Variants in GARS1 observed in about 807,000 individuals in gnomAD.
The protein encoded by GARS1 is glycyl-tRNA synthetase 1.
GARS1 carries 46 observed loss-of-function variants against 86.4 expected under a neutral mutation model. The observed-to-expected ratio is 0.53, with a 90% CI of 0.42 to 0.68. The LOEUF is 0.68. Ranked by LOEUF, GARS1 falls within the 30% of genes least tolerant of loss-of-function variation. The pLI, the probability that GARS1 is intolerant of heterozygous loss-of-function variation, is 0.00. For synonymous variants in GARS1, 342 were observed against 329.8 expected (o/e 1.04, Z -0.40); for missense variants, 797 against 915.6 (o/e 0.87, Z 1.67).
intron 15 of GARS1, 141 bp downstream of exon 15, chr7:30,631,682 T>TTAGAAATAA (rs1402649667): frequency 3.0e-5 from 20 of 674,510 alleles, no homozygotes; most frequent in Non-Finnish European, 4.8e-5. Context: ...GATTTTAGCC[T>TTAGAAATAA]GTACTCTTAT....
rs752132610 is a variant in GARS1, at chr7:30,595,041, C to T, written c.120C>T (p.Ser40=). The change falls in exon 1 of 17, where the codon TCC becomes TCT. Residue 40 remains serine (S), a synonymous_variant. Coordinates refer to ENST00000389266, the MANE Select transcript of GARS1 (RefSeq NM_002047.4). ...LLLRRSLSAA[S]CPPISLPAAA... ...TCCGCCGGTCCCTCAGCGCGGCCTCCTGCCCCCCGATCTCCTTGCCCGCCG... is the reference window on the plus strand; with the variant it reads ...TCCGCCGGTCCCTCAGCGCGGCCTCTTGCCCCCCGATCTCCTTGCCCGCCG... 2 of 1,567,068 alleles carry T rather than the reference C, an allele frequency of 1.3e-6. No individual in the cohort carries two copies. The highest frequency in any genetic ancestry group is 2.3e-5 in the South Asian group (2 of 86,670).
chr7:30,615,287 C>T (rs902492547), intron 8 of GARS1, among the ~76,000 whole-genome samples: 4 of 152,184 alleles, frequency 2.6e-5, no homozygotes, highest in Non-Finnish European at 5.9e-5. Context: ...AGAAATCAAA[C>T]TGCTATGAAA....
intron 12 of GARS1, among the ~76,000 whole-genome samples, chr7:30,625,784 G>C (rs1488155992): frequency 2.0e-5 from 3 of 152,164 alleles, no homozygotes; most frequent in African/African-American, 7.2e-5. Context: ...AAAATAGTGT[G>C]GGTATTGGAT....
intron 7 of GARS1, 130 bp downstream of exon 7, chr7:30,609,860 T>A: frequency 1.4e-6 from 1 of 728,592 alleles, no homozygotes; most frequent in South Asian, 1.7e-5. Flanking sequence ...GATGAATGTA[T>A]TATGGAGAAA....
At chr7:30,610,485 G>A (rs535440171) in intron 7 of GARS1, among the ~76,000 whole-genome samples, 1 of 152,308 alleles carries the variant, frequency 6.6e-6, no homozygotes, top group South Asian at 2.1e-4. Context: ...GAGCTAGATA[G>A]ATCGTGTTTC....
intron 14 of GARS1, 35 bp downstream of exon 14, chr7:30,628,704 C>A: frequency 1.4e-6 from 2 of 1,432,428 alleles, no homozygotes; most frequent in South Asian, 2.3e-5. Context: ...GTTATAGTGT[C>A]AGAAAATAAA....
chr7:30,601,003 C>A, intron 3 of GARS1, 56 bp from the exon 4 acceptor site: 1 of 1,555,622 alleles, frequency 6.4e-7, no homozygotes, highest in Non-Finnish European at 8.9e-7. Flanking sequence ...GTCTCCTTGC[C>A]TTCATTTGTT....
rs767701991 is a variant in GARS1, at chr7:30,599,963, C to A, written c.341C>A (p.Pro114His). ...VLEAKELALQPKDDIVDRAKM... is the reference protein window; with the variant it reads ...VLEAKELALQHKDDIVDRAKM... The stretch of plus-strand genomic sequence containing the variant: ...CTCTAACAGGAGCTGGCGTTACAGC[C>A]CAAAGATGATATTGTAGACCGAGCA... Residue 114 changes from proline (P) to histidine (H), a missense_variant, in exon 3 of 17, where the codon CCC becomes CAC. By Grantham distance (77) the Pro-to-His change is moderately conservative. This residue lies in a region of GARS1 where 199 missense variants were observed against 176.9 expected (regional missense o/e 1.12). Transcript: ENST00000389266. The A allele has an allele frequency of 6.2e-7, 1 of 1,613,446 alleles. No homozygotes were observed. Among genetic ancestry groups the A allele is most frequent in the Non-Finnish European group, 8.5e-7 (1 of 1,179,542 alleles).
intron 14 of GARS1, among the ~76,000 whole-genome samples, chr7:30,629,469 A>G (rs1783194939): frequency 6.6e-6 from 1 of 152,154 alleles, no homozygotes; most frequent in African/African-American, 2.4e-5. Flanking sequence ...TTACTAGGAA[A>G]GCCAACCAGA....
chr7:30,623,790 AC>A (rs1238315860), intron 12 of GARS1, among the ~76,000 whole-genome samples: 4 of 152,362 alleles, frequency 2.6e-5, no homozygotes, highest in Admixed American at 2.6e-4. Context: ...ATAGCTAAAA[AC>A]CAGGGATGAA....
chr7:30,604,623 TGTTG>T (rs1791447414), intron 6 of GARS1, among the ~76,000 whole-genome samples: 3 of 152,214 alleles, frequency 2.0e-5, no homozygotes, highest in African/African-American at 7.2e-5. Context: ...TTAATTTGGC[TGTTG>T]AATCATCTGC....
rs201260278 is a variant in GARS1 at position 30,621,405 on chromosome 7, A to G, written c.1372A>G (p.Ile458Val). 1 of 1,614,010 alleles carries G rather than the reference A, an allele frequency of 6.2e-7. No individual in the cohort carries two copies. The highest frequency in any genetic ancestry group is 1.3e-5 in the African/African-American group (1 of 75,032). The stretch of plus-strand genomic sequence containing the variant: ...TATATCTTTTTAGGGTTGGATTGAG[A>G]TTGTTGGATGTGCTGATCGTTCCTG... ...ESKTSYGWIE[I>V]VGCADRSCYD... Residue 458 changes from isoleucine to valine, a missense_variant, in exon 11 of 17, where the codon ATT becomes GTT. Physicochemically the swap from Ile to Val is conservative, Grantham distance 29. Transcript: ENST00000389266.
intron 8 of GARS1, 22 bp downstream of exon 8, chr7:30,612,267 C>A (rs753817623): frequency 1.2e-6 from 2 of 1,609,402 alleles, no homozygotes; most frequent in Non-Finnish European, 1.7e-6. Context: ...GTTACTCTTA[C>A]AAATTAGTGA....
intron 9 of GARS1, among the ~76,000 whole-genome samples, chr7:30,616,697 C>T (rs753945925): frequency 8.5e-5 from 13 of 152,182 alleles, no homozygotes; most frequent in Non-Finnish European, 1.2e-4. Flanking sequence ...GTGTACTCTA[C>T]GGGGTTCACA....
In GARS1 at chr7:30,624,622, C is replaced by A. The variant is rs574490417; in HGVS notation, c.1614-1612C>A. ...CTAGAGCAATCACCTGGAAAAAAAACACACACAAAAAAGGGGTGTAACTAA... is the reference window on the plus strand; with the variant it reads ...CTAGAGCAATCACCTGGAAAAAAAAAACACACAAAAAAGGGGTGTAACTAA... On this transcript the variant is annotated intron_variant, in intron 12 of 16. Transcript: ENST00000389266. Among the ~76,000 whole-genome samples the A allele has an allele frequency of 4.0e-5, 6 of 151,438 alleles. No individual in the cohort carries two copies. The South Asian group carries it at 1.0e-3, about 26-fold the overall frequency.
At chr7:30,627,356 A>G (rs922474586) in intron 13 of GARS1, among the ~76,000 whole-genome samples, 2 of 152,170 alleles carry the variant, frequency 1.3e-5, no homozygotes, top group African/African-American at 4.8e-5. Flanking sequence ...GCACATCACC[A>G]TTACTCAGAT....
chr7:30,624,421 A>G (rs1783083937), intron 12 of GARS1, among the ~76,000 whole-genome samples: 1 of 152,250 alleles, frequency 6.6e-6, no homozygotes, highest in African/African-American at 2.4e-5. Flanking sequence ...ATAATGGAGT[A>G]TTTAAAGTAA....
intron 8 of GARS1, among the ~76,000 whole-genome samples, chr7:30,613,162 A>T (rs1250713550): frequency 6.6e-6 from 1 of 152,158 alleles, no homozygotes; most frequent in East Asian, 1.9e-4. Flanking sequence ...GTTAGTTCCC[A>T]TGATGCCATC....
At chr7:30,594,865 G>C (rs986033444), upstream of GARS1, 2 of 1,425,108 alleles carry the variant, frequency 1.4e-6, no homozygotes, top group Non-Finnish European at 9.5e-7. Flanking sequence ...CTCCGAGCCG[G>C]GCGGCGCGCG....
Sources: gnomAD v4.1 joint callset for allele counts (sites outside exome capture counted in the v4.1 genomes callset) on GRCh38, gnomAD v4.1.1 for gene constraint, gnomAD v4.1.1 regional missense constraint, MANE v1.5 for transcripts, NCBI Gene and HGNC (gene_info 2026-07-23, HGNC 2026-07-21) for gene names.